Variants in DEPDC1B observed in about 807,000 individuals in gnomAD.
DEPDC1B encodes DEP domain containing 1B.
In DEPDC1B, 51 loss-of-function variants were observed where a neutral mutation model predicts 66.5. That is an observed-to-expected ratio of 0.77 (90% CI 0.61 to 0.97). The LOEUF is 0.97. Ranked by LOEUF, DEPDC1B falls within the 50% of genes least tolerant of loss-of-function variation. DEPDC1B has a pLI of 0.00. For synonymous variants in DEPDC1B, 226 were observed against 223.6 expected, an observed-to-expected ratio of 1.01 and a Z score of -0.10; for missense variants, 552 against 637.1, an observed-to-expected ratio of 0.87 and a Z score of 1.44.
intron 1 of DEPDC1B, among the ~76,000 whole-genome samples, chr5:60,697,094 T>A (rs182687313): frequency 7.2e-5 from 11 of 152,050 alleles, no homozygotes; most frequent in African/African-American, 1.2e-4. Flanking sequence ...AGAAAAAAAA[T>A]TTTTCTCTCT....
At chr5:60,676,897 G>C (rs1011487985) in intron 2 of DEPDC1B, among the ~76,000 whole-genome samples, 23 of 152,142 alleles carry the variant, frequency 1.5e-4, no homozygotes, top group African/African-American at 4.8e-4. Flanking sequence ...GAAATGGTGG[G>C]GAATGTGGCC....
At chr5:60,679,037 A>T (rs533992542) in intron 2 of DEPDC1B, among the ~76,000 whole-genome samples, 11 of 152,312 alleles carry the variant, frequency 7.2e-5, no homozygotes, top group South Asian at 4.1e-4. Flanking sequence ...TAAATCTATG[A>T]TCCACTTTGA....
chr5:60,668,257 T>TTTTA (rs1166491263), intron 2 of DEPDC1B, among the ~76,000 whole-genome samples: 2 of 85,822 alleles, frequency 2.3e-5, no homozygotes, highest in African/African-American at 1.3e-4. Flanking sequence ...AAAATGGATA[T>TTTTA]TATATATATA....
chr5:60,695,681 C>A (rs534352957), intron 1 of DEPDC1B, among the ~76,000 whole-genome samples: 1 of 152,318 alleles, frequency 6.6e-6, no homozygotes, highest in African/African-American at 2.4e-5. Context: ...TCCCACTGAG[C>A]GACTATCTGT....
At chr5:60,676,537 T>A (rs1012193779) in intron 2 of DEPDC1B, among the ~76,000 whole-genome samples, 2 of 152,294 alleles carry the variant, frequency 1.3e-5, no homozygotes, top group Non-Finnish European at 2.9e-5. Context: ...TTCCACCAAA[T>A]GTATCCCTCA....
intron 2 of DEPDC1B, among the ~76,000 whole-genome samples, chr5:60,671,713 T>C (rs1339450252): frequency 6.6e-6 from 1 of 152,206 alleles, no homozygotes; most frequent in East Asian, 1.9e-4. Context: ...TGGCATTAAA[T>C]CTCTTGCACA....
chr5:60,645,585 G>T lies in DEPDC1B; in HGVS notation c.485C>A (p.Ala162Glu). The change falls in exon 4 of 11, where the codon GCA (alanine) becomes GAA (glutamate). Residue 162 changes from alanine to glutamate, a missense_variant. Physicochemically the swap from Ala to Glu is moderately radical, Grantham distance 107. Coordinates refer to ENST00000265036, the MANE Select transcript of DEPDC1B (RefSeq NM_018369.3). ...ACGGCAAGCTGGCACCTCTCCAATT[G>T]CAATACTGTGACGCTTGTACCACAT... ...SEMWYKRHSI[A>E]IGEVPACRLV... The T allele has an allele frequency of 1.2e-6, 2 of 1,612,896 alleles. No individual in the cohort carries two copies. The highest frequency in any genetic ancestry group is 1.7e-6 in the Non-Finnish European group (2 of 1,179,384).
At chr5:60,658,719 A>T (rs552823941) in intron 2 of DEPDC1B, among the ~76,000 whole-genome samples, 31 of 152,376 alleles carry the variant, frequency 2.0e-4, no homozygotes, top group Middle Eastern at 6.8e-3. Context: ...GACAATGATC[A>T]GGATATAAAC....
intron 2 of DEPDC1B, among the ~76,000 whole-genome samples, chr5:60,651,800 A>G (rs571969674): frequency 6.6e-6 from 1 of 152,286 alleles, no homozygotes; most frequent in East Asian, 1.9e-4. Context: ...ATTTCAGTAC[A>G]ACTGTCACCT....
intron 9 of DEPDC1B, among the ~76,000 whole-genome samples, chr5:60,600,245 C>T (rs1312369435): frequency 2.0e-5 from 3 of 152,028 alleles, no homozygotes; most frequent in Admixed American, 2.0e-4. Context: ...AACAAAGGTG[C>T]AGACATTGCA....
chr5:60,630,294 C>A (rs1752893213), intron 7 of DEPDC1B, among the ~76,000 whole-genome samples: 1 of 152,238 alleles, frequency 6.6e-6, no homozygotes, highest in African/African-American at 2.4e-5. Context: ...TTGTCCACTG[C>A]CGAGTCAGCT....
intron 1 of DEPDC1B, among the ~76,000 whole-genome samples, chr5:60,692,820 G>A (rs994120512): frequency 5.3e-5 from 8 of 152,102 alleles, no homozygotes; most frequent in Middle Eastern, 3.4e-3. Flanking sequence ...GAAAATGAAC[G>A]AACTATTGCT....
intron 7 of DEPDC1B, among the ~76,000 whole-genome samples, chr5:60,633,818 C>G (rs568668454): frequency 6.6e-6 from 1 of 152,278 alleles, no homozygotes; most frequent in Admixed American, 6.5e-5. Flanking sequence ...GTGTAAATTA[C>G]TCAGAATCCT....
chr5:60,616,959 C>G (rs1167313720), intron 7 of DEPDC1B, among the ~76,000 whole-genome samples: 1 of 152,180 alleles, frequency 6.6e-6, no homozygotes, highest in South Asian at 2.1e-4. Context: ...CCCTACAAGC[C>G]GGAAGAGAGT....
At chr5:60,649,648 A>C (rs1198621026) in intron 2 of DEPDC1B, among the ~76,000 whole-genome samples, 1 of 152,232 alleles carries the variant, frequency 6.6e-6, no homozygotes, top group African/African-American at 2.4e-5. Context: ...AGAGGAAAGC[A>C]ACTAATTTAA....
intron 2 of DEPDC1B, among the ~76,000 whole-genome samples, chr5:60,667,647 G>T (rs1418754281): frequency 4.9e-5 from 5 of 102,298 alleles, no homozygotes; most frequent in Non-Finnish European, 1.1e-4. Flanking sequence ...ATGAAAAATG[G>T]ATATTTTACA....
chr5:60,688,871 C>T (rs1053459219), intron 1 of DEPDC1B: 12 of 331,260 alleles, frequency 3.6e-5, no homozygotes, highest in South Asian at 7.7e-5. Flanking sequence ...ATTGGATCCA[C>T]GTCAGTTAAG....
At chr5:60,671,724 T>A (rs938821880) in intron 2 of DEPDC1B, among the ~76,000 whole-genome samples, 1 of 152,206 alleles carries the variant, frequency 6.6e-6, no homozygotes, top group Non-Finnish European at 1.5e-5. Context: ...CTCTTGCACA[T>A]CTAGTTCCCT....
chr5:60,683,300 C>A (rs1754339518), intron 2 of DEPDC1B, among the ~76,000 whole-genome samples: 1 of 152,002 alleles, frequency 6.6e-6, no homozygotes, highest in African/African-American at 2.4e-5. Context: ...GAGCATGTGG[C>A]GTGCGCTTGT....
Sources: gnomAD v4.1 joint callset for allele counts (sites outside exome capture counted in the v4.1 genomes callset) on GRCh38, gnomAD v4.1.1 for gene constraint, MANE v1.5 for transcripts, NCBI Gene and HGNC (gene_info 2026-07-23, HGNC 2026-07-21) for gene names.